CTSH: variants seen among roughly 807,000 people sequenced by gnomAD.
The protein encoded by CTSH is cathepsin H.
In CTSH, 52 loss-of-function variants were observed where a neutral mutation model predicts 56.3. The ratio of observed to expected loss-of-function variants is 0.92; its 90% CI spans 0.74 to 1.16. The LOEUF (loss-of-function observed/expected upper bound fraction) is 1.16. CTSH is among the 50% of genes most tolerant of loss of function. The pLI, the probability that CTSH is intolerant of heterozygous loss-of-function variation, is 0.00. For synonymous variants in CTSH, 174 were observed against 155.7 expected, an observed-to-expected ratio of 1.12 and a Z score of -0.88; for missense variants, 406 against 424.5, an observed-to-expected ratio of 0.96 and a Z score of 0.38.
At chr15:78,924,150 C>T (rs1248558627) in intron 10 of CTSH, among the ~76,000 whole-genome samples, 4 of 65,670 alleles carry the variant, frequency 6.1e-5, no homozygotes, top group East Asian at 2.7e-4. Context: ...CCTGTGGAGG[C>T]GGGGAACGCC....
intron 2 of CTSH, 101 bp downstream of exon 2, chr15:78,939,039 G>GA: frequency 8.7e-7 from 1 of 1,143,228 alleles, no homozygotes; most frequent in Non-Finnish European, 1.3e-6. Context: ...GGCAAAGTTG[G>GA]AAATTCCCTT....
At chr15:78,929,364 T>TA (rs1244317766) in intron 8 of CTSH, 48 bp downstream of exon 8, 2 of 1,432,302 alleles carry the variant, frequency 1.4e-6, no homozygotes, top group Non-Finnish European at 2.0e-6. Flanking sequence ...GGAGTGAAGC[T>TA]AGGCATGCTG....
intron 1 of CTSH, among the ~76,000 whole-genome samples, chr15:78,941,984 A>G (rs948277560): frequency 3.3e-5 from 5 of 152,088 alleles, no homozygotes; most frequent in African/African-American, 1.2e-4. Flanking sequence ...CCCGCAATGG[A>G]TTTATATTTT....
chr15:78,940,898 G>T (rs984343816), intron 1 of CTSH, among the ~76,000 whole-genome samples: 1 of 152,142 alleles, frequency 6.6e-6, no homozygotes, highest in African/African-American at 2.4e-5. Context: ...GGCGGAGGCT[G>T]CTGTGAGCCG....
intron 2 of CTSH, among the ~76,000 whole-genome samples, chr15:78,938,512 G>A (rs1472919168): frequency 2.6e-5 from 4 of 152,148 alleles, no homozygotes; most frequent in Non-Finnish European, 5.9e-5. Flanking sequence ...GTGAGAACAT[G>A]TAATATTTGC....
chr15:78,931,617 T>G, intron 6 of CTSH, 111 bp from the exon 7 acceptor site: 1 of 1,577,008 alleles, frequency 6.3e-7, no homozygotes, highest in Non-Finnish European at 8.6e-7. Context: ...GTCAGTGCTG[T>G]GTCAAGGTGA....
At chr15:78,935,819 G>C (rs1222064594) in intron 3 of CTSH, 69 bp from the exon 4 acceptor site, 2 of 1,167,260 alleles carry the variant, frequency 1.7e-6, no homozygotes, top group Non-Finnish European at 2.5e-6. Flanking sequence ...ACAAGAAAAA[G>C]TGATGAAACC....
chr15:78,941,775 G>A (rs1195886320), intron 1 of CTSH, among the ~76,000 whole-genome samples: 40 of 136,972 alleles, frequency 2.9e-4, no homozygotes, highest in South Asian at 2.4e-4. Context: ...CAGCCTGGGC[G>A]ACAGAATGAG....
intron 3 of CTSH, 32 bp downstream of exon 3, chr15:78,937,286 C>T: frequency 6.3e-7 from 1 of 1,587,396 alleles, no homozygotes; most frequent in Non-Finnish European, 8.6e-7. Flanking sequence ...AACTGACATC[C>T]TTCCAGGAAG....
rs1217796092 is a variant in CTSH, at chr15:78,927,676, GAC to G, written c.699+35_699+36del. 1.9e-6 allele frequency: 3 copies of G among 1,596,756 alleles called. No individual in the cohort carries two copies. In the Admixed American group the frequency reaches 5.0e-5, roughly 27 times the overall value. On this transcript the variant is annotated intron_variant, in intron 9 of 11. Coordinates refer to ENST00000220166, the MANE Select transcript of CTSH (RefSeq NM_004390.5). ...AGCATGAGAGAGGCCTCCTCATCAGGACACATTCCCCATCCCAGAGGGGGATC... is the reference window on the plus strand; with the variant it reads ...AGCATGAGAGAGGCCTCCTCATCAGGACATTCCCCATCCCAGAGGGGGATC...
chr15:78,939,155 C>G lies in CTSH; in HGVS notation c.108G>C (p.Lys36Asn). ...GGGCACTGACCTTAGACATCCATGA[C>G]TTGAAGTGAAACTTCTCTGTAAAAA... is the stretch of plus-strand genomic sequence containing the variant. ...CVNSLEKFHFKSWMSKHRKTY... is the reference protein window; with the variant it reads ...CVNSLEKFHFNSWMSKHRKTY... The change falls in exon 2 of 12, where the codon AAG (lysine) becomes AAC (asparagine). Residue 36 changes from lysine to asparagine, a missense_variant. Transcript: ENST00000220166. 1 of 1,593,830 alleles carries G rather than the reference C, an allele frequency of 6.3e-7. No individual in the cohort carries two copies. The highest frequency in any genetic ancestry group is 8.5e-7 in the Non-Finnish European group (1 of 1,172,932).
intron 1 of CTSH, among the ~76,000 whole-genome samples, chr15:78,939,666 T>C (rs780656767): frequency 7.9e-5 from 12 of 152,220 alleles, no homozygotes; most frequent in Admixed American, 6.5e-5. Flanking sequence ...GGTGGGCCGA[T>C]TGCCTGAGGT....
At chr15:78,925,248 C>A in intron 10 of CTSH, 86 bp downstream of exon 10, 1 of 843,520 alleles carries the variant, frequency 1.2e-6, no homozygotes, top group South Asian at 1.4e-5. Context: ...GTCTGGGCCA[C>A]GAGCCCAAGT....
At chr15:78,925,568 C>A in intron 9 of CTSH, 128 bp from the exon 10 acceptor site, 1 of 630,410 alleles carries the variant, frequency 1.6e-6, no homozygotes, top group African/African-American at 1.8e-5. Context: ...AGCAGCTCCC[C>A]TGCGGCCTCT....
rs902098745 is a variant in CTSH at position 78,944,931 on chromosome 15, G to A, written c.51C>T (p.Val17=). The change falls in exon 1 of 12, where the codon GTC becomes GTT. Residue 17 remains valine, a synonymous_variant. Coordinates refer to ENST00000220166, the MANE Select transcript of CTSH (RefSeq NM_004390.5). The stretch of plus-strand genomic sequence containing the variant: ...ACAGTTCGGCGGCACCGCAGACGGG[G>A]ACTCCCAGGAGCCAGGCCCCGGCGC... ...LLCAGAWLLG[V]PVCGAAELCV... The A allele has an allele frequency of 3.2e-6, 5 of 1,548,756 alleles. No homozygotes were observed. Among genetic ancestry groups the A allele is most frequent in the Non-Finnish European group, 4.4e-6 (5 of 1,146,248 alleles).
At position 78,922,127 on chromosome 15, in the gene CTSH, G is replaced by A. The variant is rs746934890; in HGVS notation, c.*3C>T. ...CGCCAGTCTGCGCTGCGGCTGCCAC[G>A]GCTCACACCAGAGGGATGGGGTAGG... On this transcript the variant is annotated 3_prime_UTR_variant, in exon 12 of 12. Transcript: ENST00000220166. The A allele has an allele frequency of 7.7e-6, 12 of 1,564,642 alleles. No homozygotes were observed. Among genetic ancestry groups the A allele is most frequent in the South Asian group, 4.7e-5 (4 of 85,016 alleles).
intron 1 of CTSH, among the ~76,000 whole-genome samples, chr15:78,939,680 G>A (rs557347016): frequency 1.3e-5 from 2 of 152,300 alleles, no homozygotes; most frequent in African/African-American, 4.8e-5. Flanking sequence ...CTGAGGTCAG[G>A]GGTTCAAGAC....
chr15:78,927,746 G>T lies in CTSH; in HGVS notation c.666C>A (p.Ile222=). The T allele has an allele frequency of 1.2e-6, 2 of 1,614,142 alleles. No individual in the cohort carries two copies. The highest frequency in any genetic ancestry group is 1.7e-6 in the Non-Finnish European group (2 of 1,180,010). The part of the protein sequence containing the change: ...GYCKFQPGKA[I]GFVKDVANIT... The stretch of plus-strand genomic sequence containing the variant: ...TGTTGGCTACATCCTTGACAAAGCC[G>T]ATGGCCTTTCCAGGTTGGAACTTGC... Residue 222 remains isoleucine, a synonymous_variant, in exon 9 of 12, where the codon ATC becomes ATA. Coordinates refer to ENST00000220166, the MANE Select transcript of CTSH (RefSeq NM_004390.5).
At chr15:78,925,302 T>C in intron 10 of CTSH, 32 bp downstream of exon 10, 1 of 1,434,132 alleles carries the variant, frequency 7.0e-7, no homozygotes, top group Non-Finnish European at 9.8e-7. Flanking sequence ...CCCTCCCCAC[T>C]GTCCCTCCTG....
Sources: allele counts gnomAD v4.1 joint callset (sites outside exome capture counted in the v4.1 genomes callset), GRCh38; gene constraint gnomAD v4.1.1; transcripts MANE v1.5; gene names NCBI Gene and HGNC (gene_info 2026-07-23, HGNC 2026-07-21).